The following INTS6 variants were observed in gnomAD, a reference collection of about 807,000 sequenced individuals.
INTS6 encodes the protein DEAD box protein.
In INTS6, 16 loss-of-function variants were observed where a neutral mutation model predicts 104.9. The observed-to-expected ratio is 0.15, with a 90% CI of 0.10 to 0.23. The LOEUF is 0.23. Ranked by LOEUF, INTS6 falls within the 10% of genes least tolerant of loss-of-function variation. The pLI, the probability that INTS6 is intolerant of heterozygous loss-of-function variation, is 1.00. For synonymous variants in INTS6, 324 were observed against 358.7 expected, an observed-to-expected ratio of 0.90 and a Z score of 1.09; for missense variants, 584 against 1,062.8, an observed-to-expected ratio of 0.55 and a Z score of 6.26.
Position 51,367,887 on chromosome 13 carries a change from T to A in INTS6, c.2488A>T (p.Ile830Phe). The A allele has an allele frequency of 6.4e-7, 1 of 1,558,910 alleles. No homozygotes were observed. The highest frequency in any genetic ancestry group is 1.2e-5 in the South Asian group (1 of 81,894). Residue 830 changes from isoleucine (I) to phenylalanine (F), a missense_variant, in exon 17 of 18, where the codon ATC becomes TTC. Coordinates refer to ENST00000311234, the MANE Select transcript of INTS6 (RefSeq NM_012141.3). The stretch of plus-strand genomic sequence containing the variant: ...TGCACATGCTTCAGTAAAGTGAAGA[T>A]TCTTTCATATTCTTAAAGCAAAAGA... ...IRKPGRKYERIFTLLKHVQGS... is the reference protein window; with the variant it reads ...IRKPGRKYERFFTLLKHVQGS...
At chr13:51,448,574 T>TA (rs1269276874) in intron 3 of INTS6, 1 of 152,210 alleles carries the variant, frequency 6.6e-6, no homozygotes, top group Non-Finnish European at 1.5e-5. Flanking sequence ...TTAACTAAGT[T>TA]AACAAATGCA....
At chr13:51,429,634 C>T (rs927306772) in intron 4 of INTS6, among the ~76,000 whole-genome samples, 1 of 151,246 alleles carries the variant, frequency 6.6e-6, no homozygotes, top group Admixed American at 6.6e-5. Context: ...CATGGTGGCT[C>T]ATGCCTGTAA....
At chr13:51,424,240 A>G (rs1332547782) in intron 4 of INTS6, among the ~76,000 whole-genome samples, 1 of 152,078 alleles carries the variant, frequency 6.6e-6, no homozygotes, top group African/African-American at 2.4e-5. Flanking sequence ...ATATCTTAAC[A>G]AAGAATTCTA....
At chr13:51,373,996 T>C (rs1440762504) in intron 15 of INTS6, among the ~76,000 whole-genome samples, 3 of 152,194 alleles carry the variant, frequency 2.0e-5, no homozygotes, top group African/African-American at 4.8e-5. Context: ...TAGAACATAA[T>C]AGCTAATAAA....
At chr13:51,409,535 C>T (rs892490679) in intron 4 of INTS6, among the ~76,000 whole-genome samples, 2 of 151,772 alleles carry the variant, frequency 1.3e-5, no homozygotes, top group Non-Finnish European at 2.9e-5. Context: ...TTTGTTTTCT[C>T]AGAAATTTGG....
chr13:51,347,692 C>T, the INTS6 span, among the ~76,000 whole-genome samples: 16 of 152,132 alleles, frequency 1.1e-4, no homozygotes, highest in African/African-American at 2.2e-4. Flanking sequence ...TTAAACTGCA[C>T]GCCCTTCTGA....
intron 15 of INTS6, 33 bp downstream of exon 15, chr13:51,374,175 G>T: frequency 6.5e-7 from 1 of 1,543,080 alleles, no homozygotes; most frequent in Non-Finnish European, 8.9e-7. Context: ...CCAAAAGGCA[G>T]CAAATAATGT....
chr13:51,405,397 AG>A (rs1368659036), intron 4 of INTS6, among the ~76,000 whole-genome samples: 1 of 152,156 alleles, frequency 6.6e-6, no homozygotes, highest in Non-Finnish European at 1.5e-5. Context: ...GTTGAGGTCA[AG>A]CTTAAAGAAA....
At chr13:51,347,521 G>T in the INTS6 span, among the ~76,000 whole-genome samples, 1 of 152,318 alleles carries the variant, frequency 6.6e-6, no homozygotes, top group East Asian at 1.9e-4. Flanking sequence ...GGACCAAACT[G>T]CCACCCTGGC....
chr13:51,343,464 TC>T, the INTS6 span, among the ~76,000 whole-genome samples: 1 of 152,000 alleles, frequency 6.6e-6, no homozygotes, highest in Admixed American at 6.6e-5. Flanking sequence ...GAAAACAAAA[TC>T]CACTATTGAT....
Position 51,361,862 on chromosome 13 carries a change from A to C in INTS6, c.*3890T>G. On this transcript the variant is annotated 3_prime_UTR_variant, in exon 18 of 18. Transcript: ENST00000311234. ...TTCCTATTTTTAAAGCAGATCGGCC[A>C]TTCATCTATTTCCTGAGAGAACCTA... 6.2e-7 allele frequency: 1 copy of C among 1,611,814 alleles called. No individual in the cohort carries two copies. The highest frequency in any genetic ancestry group is 1.1e-5 in the South Asian group (1 of 90,912).
intron 4 of INTS6, among the ~76,000 whole-genome samples, chr13:51,421,757 C>T (rs1956899330): frequency 6.6e-6 from 1 of 152,078 alleles, no homozygotes; most frequent in African/African-American, 2.4e-5. Flanking sequence ...AAGCATGAAA[C>T]ACCCAAATAG....
chr13:51,352,826 T>C (rs529095514), downstream of INTS6, among the ~76,000 whole-genome samples: 32 of 152,346 alleles, frequency 2.1e-4, no homozygotes, highest in South Asian at 1.0e-3. Context: ...TGTTGGACTT[T>C]GTCAAATGCT....
the INTS6 span, chr13:51,347,370 A>G: frequency 2.7e-6 from 2 of 739,962 alleles, no homozygotes; most frequent in Admixed American, 2.4e-5. Flanking sequence ...CTGGGCATGC[A>G]TGGCGGAAGG....
At chr13:51,376,709 C>T (rs1210364935) in intron 12 of INTS6, among the ~76,000 whole-genome samples, 1 of 152,116 alleles carries the variant, frequency 6.6e-6, no homozygotes, top group Non-Finnish European at 1.5e-5. Flanking sequence ...TGGAATTTTG[C>T]AACGTCTAAT....
At chr13:51,404,490 T>C (rs1012211033) in intron 4 of INTS6, among the ~76,000 whole-genome samples, 1 of 151,984 alleles carries the variant, frequency 6.6e-6, no homozygotes, top group African/African-American at 2.4e-5. Context: ...TACAAACACA[T>C]GAGCTGCAAA....
chr13:51,355,615 A>T (rs573828029), intron 3 of INTS6, among the ~76,000 whole-genome samples: 120 of 152,156 alleles, frequency 7.9e-4, no homozygotes, highest in Non-Finnish European at 1.0e-3. Context: ...CCTTTTTTCA[A>T]ATTACCCATA....
chr13:51,364,278 A>G lies in INTS6; in HGVS notation c.*1474T>C. On this transcript the variant is annotated 3_prime_UTR_variant, in exon 18 of 18. Coordinates refer to ENST00000311234, the MANE Select transcript of INTS6 (RefSeq NM_012141.3). ...ATTGGGAGAGTTTCAAATCCCCTAG[A>G]CTAAATGCATGTTCTCCACTTTCAT... The G allele has an allele frequency of 6.8e-7, 1 of 1,471,852 alleles. No homozygotes were observed. The highest frequency in any genetic ancestry group is 1.3e-5 in the South Asian group (1 of 79,670). 91.2% of individuals were successfully genotyped at this position (1,471,852 alleles called of 1,614,324 possible).
At chr13:51,411,106 G>A (rs1042030853) in intron 4 of INTS6, among the ~76,000 whole-genome samples, 2 of 151,798 alleles carry the variant, frequency 1.3e-5, no homozygotes, top group Admixed American at 6.6e-5. Flanking sequence ...CTAGCTACTC[G>A]GGAGGCTGAG....
Sources: gnomAD v4.1 joint callset for allele counts (sites outside exome capture counted in the v4.1 genomes callset) on GRCh38, gnomAD v4.1.1 for gene constraint, MANE v1.5 for transcripts, NCBI Gene and HGNC (gene_info 2026-07-23, HGNC 2026-07-21) for gene names.